CCDC7: variants seen among roughly 807,000 people sequenced by gnomAD.
CCDC7 encodes the protein coiled-coil domain containing 7.
In CCDC7, 183 loss-of-function variants were observed where a neutral mutation model predicts 196.9. The ratio of observed to expected loss-of-function variants is 0.93; its 90% CI spans 0.82 to 1.05. The LOEUF is 1.05. Ranked by LOEUF, CCDC7 falls within the 50% of genes least tolerant of loss-of-function variation. The pLI, the probability that CCDC7 is intolerant of heterozygous loss-of-function variation, is 0.00. For missense variants in CCDC7, 1,540 were observed against 1,482.2 expected (o/e 1.04, Z -0.64); for synonymous variants, 525 against 484.6 (o/e 1.08, Z -1.10).
chr10:32,793,435 A>G (rs953276584), intron 29 of CCDC7, among the ~76,000 whole-genome samples: 1 of 152,198 alleles, frequency 6.6e-6, no homozygotes, highest in Admixed American at 6.5e-5. Flanking sequence ...ACCTGTACAT[A>G]TTTTAATGTA....
At chr10:32,665,228 A>G (rs776278223) in intron 21 of CCDC7, among the ~76,000 whole-genome samples, 1 of 152,080 alleles carries the variant, frequency 6.6e-6, no homozygotes, top group Non-Finnish European at 1.5e-5. Flanking sequence ...TATCAGATTT[A>G]TGATTTGGAA....
At chr10:32,787,695 C>T (rs549067745) in intron 29 of CCDC7, among the ~76,000 whole-genome samples, 4 of 152,320 alleles carry the variant, frequency 2.6e-5, no homozygotes, top group Admixed American at 2.0e-4. Flanking sequence ...TCCAAGCCCA[C>T]CCCAATGCCA....
intron 18 of CCDC7, among the ~76,000 whole-genome samples, chr10:32,601,501 G>A (rs2060997463): frequency 6.6e-6 from 1 of 152,176 alleles, no homozygotes; most frequent in African/African-American, 2.4e-5. Context: ...GAGTTTGGGA[G>A]TTTGGAGCTT....
chr10:32,746,844 G>A (rs2074841031), intron 28 of CCDC7, among the ~76,000 whole-genome samples: 1 of 152,208 alleles, frequency 6.6e-6, no homozygotes, highest in Non-Finnish European at 1.5e-5. Flanking sequence ...ATGTGCACAT[G>A]GATGCCATCA....
chr10:32,863,886 AAAATAAAT>A (rs76626663), intron 41 of CCDC7, among the ~76,000 whole-genome samples: 14,034 of 147,394 alleles, frequency 0.095, 845 homozygotes, highest in Admixed American at 0.21. Context: ...GCTAAAAAAC[AAAATAAAT>A]AAATAAATAA....
chr10:32,499,351 T>G (rs903745391), intron 9 of CCDC7: 1 of 152,138 alleles, frequency 6.6e-6, no homozygotes. Context: ...AGACATCTGA[T>G]TATTCTTTCA....
intron 18 of CCDC7, among the ~76,000 whole-genome samples, chr10:32,607,845 A>C (rs2061693310): frequency 6.6e-6 from 1 of 152,106 alleles, no homozygotes; most frequent in African/African-American, 2.4e-5. Flanking sequence ...ATTAGGAAGA[A>C]TTTTCTCTTC....
At chr10:32,695,767 T>C (rs1398193250) in intron 24 of CCDC7, among the ~76,000 whole-genome samples, 1 of 152,214 alleles carries the variant, frequency 6.6e-6, no homozygotes. Flanking sequence ...CTTGATCATC[T>C]TTGTGGACAA....
intron 28 of CCDC7, among the ~76,000 whole-genome samples, chr10:32,776,897 C>CTT (rs199591134): frequency 6.6e-6 from 1 of 151,164 alleles, no homozygotes; most frequent in African/African-American, 2.4e-5. Flanking sequence ...ACTATGTGTA[C>CTT]TTTTTTTTTA....
intron 18 of CCDC7, among the ~76,000 whole-genome samples, chr10:32,630,336 G>GTGTA (rs1564882974): frequency 1.3e-5 from 2 of 151,700 alleles, no homozygotes; most frequent in African/African-American, 4.8e-5. Flanking sequence ...GTGTATATAT[G>GTGTA]TATATATATG....
chr10:32,811,010 C>A (rs1436233875), intron 30 of CCDC7, among the ~76,000 whole-genome samples: 1 of 151,822 alleles, frequency 6.6e-6, no homozygotes, highest in African/African-American at 2.4e-5. Context: ...TGGGATATAA[C>A]AAAAGCAATG....
intron 11 of CCDC7, among the ~76,000 whole-genome samples, chr10:32,534,114 T>C (rs567226471): frequency 1.3e-5 from 2 of 152,258 alleles, no homozygotes; most frequent in East Asian, 3.9e-4. Context: ...TTTTTTCTCC[T>C]TTTTGTATTT....
intron 15 of CCDC7, among the ~76,000 whole-genome samples, chr10:32,571,260 C>T (rs976780920): frequency 2.6e-5 from 4 of 152,080 alleles, no homozygotes; most frequent in East Asian, 1.9e-4. Flanking sequence ...CTGCCTGCCT[C>T]GGCCTCCCAA....
At chr10:32,527,459 G>C (rs903901508) in intron 11 of CCDC7, among the ~76,000 whole-genome samples, 3 of 152,148 alleles carry the variant, frequency 2.0e-5, no homozygotes, top group Admixed American at 2.0e-4. Context: ...TCCAACAGAG[G>C]GGACGAACAG....
At chr10:32,525,574 G>A (rs866791012) in intron 11 of CCDC7, among the ~76,000 whole-genome samples, 2 of 152,154 alleles carry the variant, frequency 1.3e-5, no homozygotes, top group African/African-American at 4.8e-5. Context: ...CATTTGGTGA[G>A]GTTATGTTTT....
At chr10:32,622,169 A>G (rs1218220996) in intron 18 of CCDC7, among the ~76,000 whole-genome samples, 1 of 151,818 alleles carries the variant, frequency 6.6e-6, no homozygotes, top group Non-Finnish European at 1.5e-5. Context: ...GCTAACTCTC[A>G]CTCTCATGAT....
intron 28 of CCDC7, among the ~76,000 whole-genome samples, chr10:32,743,025 T>C (rs2086142191): frequency 6.6e-6 from 1 of 152,220 alleles, no homozygotes; most frequent in Non-Finnish European, 1.5e-5. Flanking sequence ...TGCTGAATAC[T>C]CTGGATATAC....
At chr10:32,873,894 TTGTC>T (rs377637239) in intron 41 of CCDC7, among the ~76,000 whole-genome samples, 65 of 151,892 alleles carry the variant, frequency 4.3e-4, no homozygotes, top group African/African-American at 1.4e-3. Context: ...TCATTTGTTA[TTGTC>T]TGTCTGTCTT....
chr10:32,852,230 A>C (rs1049646927), intron 40 of CCDC7, among the ~76,000 whole-genome samples: 9 of 152,148 alleles, frequency 5.9e-5, no homozygotes, highest in African/African-American at 1.9e-4. Flanking sequence ...TCATTTTATA[A>C]CCTCTTTCTT....
Sources: gnomAD v4.1 joint callset for allele counts (sites outside exome capture counted in the v4.1 genomes callset) on GRCh38, gnomAD v4.1.1 for gene constraint, MANE v1.5 for transcripts, NCBI Gene and HGNC (gene_info 2026-07-23, HGNC 2026-07-21) for gene names.